The following ITGA11 variants were observed in gnomAD, a reference collection of about 807,000 sequenced individuals.
The protein encoded by ITGA11 is integrin subunit alpha 11, also known as integrin alpha-11.
In ITGA11, 97 loss-of-function variants were observed where a neutral mutation model predicts 141.9. The observed-to-expected ratio is 0.68, with a 90% CI of 0.58 to 0.81. The LOEUF (loss-of-function observed/expected upper bound fraction) is 0.81, where lower values mean the gene tolerates loss of function less well. ITGA11 is among the 30% of genes least tolerant of loss of function. ITGA11 has a pLI of 0.00. For synonymous variants in ITGA11, 658 were observed against 624.6 expected, an observed-to-expected ratio of 1.05 and a Z score of -0.80; for missense variants, 1,387 against 1,559.2, an observed-to-expected ratio of 0.89 and a Z score of 1.86.
chr15:68,379,244 AC>A, intron 2 of ITGA11, among the ~76,000 whole-genome samples: 1 of 151,794 alleles, frequency 6.6e-6, no homozygotes, highest in Admixed American at 6.5e-5. Flanking sequence ...CATTCCATCC[AC>A]CCTTCAGTGC....
At position 68,308,493 on chromosome 15, in the gene ITGA11, G is replaced by C. The variant is rs755506659; in HGVS notation, c.3175-797C>G. ...ATGGTGGCTCACGCCTGTAATCTCA[G>C]CACTTTGGGAGGCCAAGGCAGGCGG... On this transcript the variant is annotated intron_variant, in intron 26 of 29. Transcript: ENST00000315757. This position sits in a 1 kb window ranked among gnomAD's most constrained non-coding sequence, Gnocchi z 5.2. 6.6e-6 allele frequency among the ~76,000 whole-genome samples: 1 copy of C among 152,172 alleles called. No homozygotes were observed. Among genetic ancestry groups the C allele is most frequent in the Non-Finnish European group, 1.5e-5 (1 of 68,042 alleles).
At chr15:68,358,640 T>C (rs191394530) in intron 5 of ITGA11, 55 bp from the exon 6 acceptor site, 22 of 1,551,332 alleles carry the variant, frequency 1.4e-5, no homozygotes, top group East Asian at 1.4e-4. Context: ...TGCGAGTCTC[T>C]GATTCTCTGG....
At position 68,325,163 on chromosome 15, in the gene ITGA11, C is replaced by A; in HGVS notation, c.2290G>T (p.Asp764Tyr). The A allele has an allele frequency of 6.2e-7, 1 of 1,613,868 alleles. No homozygotes were observed. Among genetic ancestry groups the A allele is most frequent in the Non-Finnish European group, 8.5e-7 (1 of 1,179,856 alleles). Residue 764 changes from aspartate to tyrosine, a missense_variant, in exon 18 of 30, where the codon GAC (aspartate) becomes TAC (tyrosine). Transcript: ENST00000315757. This position sits in a 1 kb window ranked among gnomAD's most constrained non-coding sequence, Gnocchi z 5.5. Reference protein sequence around the residue: ...LEDPDHGPMLDDGWPTTLRVS... With the variant: ...LEDPDHGPMLYDGWPTTLRVS... ...CTGAGAGTGGTGGGCCAGCCGTCGT[C>A]CAGCATGGGGCCATGGTCAGGGTCC...
chr15:68,348,512 C>T (rs186420046), intron 10 of ITGA11, among the ~76,000 whole-genome samples: 90 of 152,352 alleles, frequency 5.9e-4, no homozygotes, highest in African/African-American at 2.1e-3. Context: ...GTCTGTAGTC[C>T]ATTCGCTTCT....
intron 1 of ITGA11, among the ~76,000 whole-genome samples, chr15:68,411,206 G>T (rs1449249088): frequency 1.3e-5 from 2 of 152,202 alleles, no homozygotes; most frequent in African/African-American, 2.4e-5. Context: ...AGGAGAACTG[G>T]ATTCTACTTA....
At chr15:68,369,146 G>T in intron 3 of ITGA11, 38 bp downstream of exon 3, 1 of 1,457,824 alleles carries the variant, frequency 6.9e-7, no homozygotes. Context: ...TTAGACAACC[G>T]CTGGCCTCAT....
At chr15:68,318,729 G>A (rs182222933) in intron 20 of ITGA11, among the ~76,000 whole-genome samples, 2 of 152,028 alleles carry the variant, frequency 1.3e-5, no homozygotes, top group Non-Finnish European at 2.9e-5. Flanking sequence ...GGCAAGCAAG[G>A]GGGGGGCACT....
At chr15:68,352,586 T>C (rs1406544810) in intron 7 of ITGA11, among the ~76,000 whole-genome samples, 1 of 152,196 alleles carries the variant, frequency 6.6e-6, no homozygotes, top group Admixed American at 6.5e-5. Flanking sequence ...TGACTCAGCA[T>C]CCAGACAACA....
Position 68,363,718 on chromosome 15 carries a change from AC to A in ITGA11, c.357+988del, listed in dbSNP as rs568230169. ...TCCTCTCCTGCAACTGTTTCTAGGA[AC>A]CATCAGTCTCAGAAGGATCCTGTTT... On this transcript the variant is annotated intron_variant, in intron 4 of 29. Coordinates refer to ENST00000315757, the MANE Select transcript of ITGA11 (RefSeq NM_001004439.2). Among the ~76,000 whole-genome samples, 7 of 152,282 alleles carry A rather than the reference AC, an allele frequency of 4.6e-5. No individual in the cohort carries two copies. The East Asian group carries it at 1.4e-3, about 29-fold the overall frequency.
At chr15:68,327,251 G>T (rs1245942199) in intron 16 of ITGA11, among the ~76,000 whole-genome samples, 1 of 152,150 alleles carries the variant, frequency 6.6e-6, no homozygotes, top group African/African-American at 2.4e-5. Flanking sequence ...CTTCCTGCCG[G>T]ATCCTCAAAT....
intron 10 of ITGA11, among the ~76,000 whole-genome samples, chr15:68,343,047 T>G (rs1321320724): frequency 1.4e-5 from 2 of 145,168 alleles, no homozygotes; most frequent in Non-Finnish European, 3.1e-5. Flanking sequence ...CTCTGAACCT[T>G]GAGTTCCTCA....
intron 1 of ITGA11, among the ~76,000 whole-genome samples, chr15:68,422,993 T>A (rs1006808421): frequency 6.6e-6 from 1 of 152,240 alleles, no homozygotes; most frequent in Admixed American, 6.5e-5. Flanking sequence ...TCCCAGGGCC[T>A]GATTCCAAAG....
chr15:68,365,751 T>A (rs1595879857), intron 3 of ITGA11, among the ~76,000 whole-genome samples: 1 of 152,062 alleles, frequency 6.6e-6, no homozygotes, highest in Non-Finnish European at 1.5e-5. Flanking sequence ...TTTTCTTTTT[T>A]TTGAGGCAGG....
intron 2 of ITGA11, among the ~76,000 whole-genome samples, chr15:68,385,270 T>C (rs1895957300): frequency 6.6e-6 from 1 of 151,136 alleles, no homozygotes; most frequent in South Asian, 2.1e-4. Flanking sequence ...TACTCGGACA[T>C]GCCTTTGCTG....
chr15:68,411,056 G>A (rs1443897154), intron 1 of ITGA11, among the ~76,000 whole-genome samples: 1 of 152,236 alleles, frequency 6.6e-6, no homozygotes, highest in Non-Finnish European at 1.5e-5. Context: ...AGTGGACTGT[G>A]AGCATCCCAT....
chr15:68,354,851 T>G (rs1342757686), intron 7 of ITGA11, among the ~76,000 whole-genome samples: 2 of 152,198 alleles, frequency 1.3e-5, no homozygotes, highest in Non-Finnish European at 2.9e-5. Context: ...TCTTTGCCCT[T>G]TCATAGGTGC....
chr15:68,311,057 C>A lies in ITGA11; in HGVS notation c.3111G>T (p.Trp1037Cys), dbSNP rs1893364213. 7 of 1,607,846 alleles carry A rather than the reference C, an allele frequency of 4.4e-6. No individual in the cohort carries two copies. The highest frequency in any genetic ancestry group is 5.9e-6 in the Non-Finnish European group (7 of 1,177,184). ...TDEANTSCNI[W>C]GNSTEYRPTP... ...TGGGCCGGTACTCAGTGCTATTGCC[C>A]CAGATGTTACAGGACGTGTTCGCCT... The change falls in exon 26 of 30, where the codon TGG (tryptophan) becomes TGT (cysteine). Residue 1037 changes from tryptophan to cysteine, a missense_variant. Trp to Cys is a radical substitution (Grantham distance 215). Transcript: ENST00000315757.
chr15:68,316,395 G>T (rs1311393787), intron 21 of ITGA11, among the ~76,000 whole-genome samples: 1 of 152,228 alleles, frequency 6.6e-6, no homozygotes, highest in African/African-American at 2.4e-5. Context: ...ACAGACCCCT[G>T]ATGCGCTCCC....
chr15:68,308,662 GA>G lies in ITGA11; in HGVS notation c.3175-967del, dbSNP rs1024034322. Among the ~76,000 whole-genome samples, 28 of 152,220 alleles carry G rather than the reference GA, an allele frequency of 1.8e-4. No individual in the cohort carries two copies. Among genetic ancestry groups the G allele is most frequent in the African/African-American group, 6.7e-4 (28 of 41,528 alleles). Reference sequence around the variant, plus strand: ...GGAGGCTGAGGCAGGAGAATCACTTGAACCCGGGAGGCGGAGGTCGCAGTGA... The same window carrying G: ...GGAGGCTGAGGCAGGAGAATCACTTGACCCGGGAGGCGGAGGTCGCAGTGA... On this transcript the variant is annotated intron_variant, in intron 26 of 29. Coordinates refer to ENST00000315757, the MANE Select transcript of ITGA11 (RefSeq NM_001004439.2). The surrounding 1 kb of genome is among the most constrained non-coding windows in gnomAD (Gnocchi z 5.2).
Sources: gnomAD v4.1 joint callset for allele counts (sites outside exome capture counted in the v4.1 genomes callset) on GRCh38, gnomAD v4.1.1 for gene constraint, Gnocchi (gnomAD v3.1) non-coding constraint, MANE v1.5 for transcripts, NCBI Gene and HGNC (gene_info 2026-07-23, HGNC 2026-07-21) for gene names.